The following SUPT3H variants were observed in gnomAD, a reference collection of about 807,000 sequenced individuals.
SUPT3H encodes transcription initiation protein SPT3 homolog.
In SUPT3H, 44 loss-of-function variants were observed where a neutral mutation model predicts 44.3. The ratio of observed to expected loss-of-function variants is 0.99; its 90% CI spans 0.78 to 1.28. The LOEUF (loss-of-function observed/expected upper bound fraction) is 1.28. Ranked by LOEUF, SUPT3H falls within the 50% of genes most tolerant of loss-of-function variation. The pLI, the probability that SUPT3H is intolerant of heterozygous loss-of-function variation, is 0.00. For missense variants in SUPT3H, 380 were observed against 387.1 expected (o/e 0.98, Z 0.15); for synonymous variants, 124 against 125.6 (o/e 0.99, Z 0.09).
At chr6:45,281,636 G>A (rs181854938) in intron 2 of SUPT3H, among the ~76,000 whole-genome samples, 230 of 152,314 alleles carry the variant, frequency 1.5e-3, no homozygotes, top group African/African-American at 5.4e-3. Context: ...AAGGAGGCCT[G>A]CCTGCCTCTG....
chr6:45,376,957 C>A (rs1733553392), intron 1 of SUPT3H, among the ~76,000 whole-genome samples: 1 of 151,694 alleles, frequency 6.6e-6, no homozygotes, highest in African/African-American at 2.4e-5. Flanking sequence ...TTCTATTAGC[C>A]TCTTGGAGAA....
intron 7 of SUPT3H, among the ~76,000 whole-genome samples, chr6:44,958,115 T>C (rs752039977): frequency 1.6e-4 from 25 of 152,302 alleles, no homozygotes; most frequent in Middle Eastern, 3.4e-3. Context: ...GGAAATTGAC[T>C]AACAAACAGA....
At chr6:44,880,991 C>CCTG (rs1778133593) in intron 10 of SUPT3H, among the ~76,000 whole-genome samples, 1 of 152,028 alleles carries the variant, frequency 6.6e-6, no homozygotes, top group African/African-American at 2.4e-5. Flanking sequence ...TAAAGACCAT[C>CCTG]ATCAACTAAT....
intron 3 of SUPT3H, among the ~76,000 whole-genome samples, chr6:45,039,234 C>T (rs1220483048): frequency 2.0e-5 from 3 of 152,060 alleles, no homozygotes; most frequent in Non-Finnish European, 2.9e-5. Flanking sequence ...GCATTTAAGT[C>T]ACAACACTCC....
At chr6:45,296,185 T>TAC (rs201077641) in intron 2 of SUPT3H, among the ~76,000 whole-genome samples, 18,035 of 140,412 alleles carry the variant, frequency 0.13, 1,171 homozygotes, top group African/African-American at 0.19. Context: ...ATACACATAC[T>TAC]ACACACACAC....
intron 2 of SUPT3H, among the ~76,000 whole-genome samples, chr6:45,113,350 A>C (rs1053540118): frequency 6.6e-6 from 1 of 152,200 alleles, no homozygotes; most frequent in Non-Finnish European, 1.5e-5. Context: ...GTGGGGAATA[A>C]AAGTGCAGAA....
In SUPT3H at chr6:45,357,895, A is replaced by G. The variant is rs373188464; in HGVS notation, c.101+7306T>C. Among the ~76,000 whole-genome samples the G allele has an allele frequency of 9.9e-5, 15 of 151,702 alleles. No homozygotes were observed. The East Asian group carries it at 1.7e-3, about 18-fold the overall frequency. On this transcript the variant is annotated intron_variant, in intron 2 of 10. Transcript: ENST00000371459. ...AGGATTTTTCAGAAAGACTAAGAGT[A>G]TATATATATATAAATACATTCACAA...
intron 1 of SUPT3H, among the ~76,000 whole-genome samples, chr6:45,371,122 T>C (rs1795994197): frequency 6.6e-6 from 1 of 152,166 alleles, no homozygotes; most frequent in South Asian, 2.1e-4. Flanking sequence ...ATTATACTCC[T>C]AACAGTAAGA....
At chr6:45,278,563 C>T (rs938068144) in intron 2 of SUPT3H, among the ~76,000 whole-genome samples, 1 of 152,172 alleles carries the variant, frequency 6.6e-6, no homozygotes, top group Admixed American at 6.5e-5. Flanking sequence ...AAAATGACCT[C>T]ATTATGACAA....
intron 2 of SUPT3H, among the ~76,000 whole-genome samples, chr6:45,147,027 C>T (rs1300498449): frequency 6.6e-6 from 1 of 152,098 alleles, no homozygotes; most frequent in African/African-American, 2.4e-5. Context: ...AGACACTTTA[C>T]CAGTAACAGT....
At chr6:45,335,934 A>C (rs1345255536) in intron 2 of SUPT3H, among the ~76,000 whole-genome samples, 1 of 151,358 alleles carries the variant, frequency 6.6e-6, no homozygotes, top group East Asian at 1.9e-4. Flanking sequence ...AAAATGAAAT[A>C]TTTAAGAAGA....
chr6:45,239,624 A>G (rs953353944), intron 2 of SUPT3H, among the ~76,000 whole-genome samples: 1 of 152,236 alleles, frequency 6.6e-6, no homozygotes, highest in African/African-American at 2.4e-5. Flanking sequence ...TTTGGGCTAC[A>G]TGCCAATCAG....
intron 6 of SUPT3H, among the ~76,000 whole-genome samples, chr6:44,976,853 T>C (rs146677027): frequency 2.4e-4 from 36 of 152,344 alleles, no homozygotes; most frequent in African/African-American, 8.7e-4. Flanking sequence ...CTGAACACAA[T>C]GGCTGTCCCT....
At chr6:45,347,766 TA>T (rs575469951) in intron 2 of SUPT3H, among the ~76,000 whole-genome samples, 54 of 148,698 alleles carry the variant, frequency 3.6e-4, no homozygotes, top group African/African-American at 4.5e-4. Flanking sequence ...TTCTTTTTTT[TA>T]AAAAAAAAAG....
intron 2 of SUPT3H, among the ~76,000 whole-genome samples, chr6:45,172,295 T>G (rs1241734022): frequency 6.7e-6 from 1 of 149,770 alleles, no homozygotes; most frequent in Non-Finnish European, 1.5e-5. Flanking sequence ...ATGGTCTCGA[T>G]CTCTGGACCT....
At chr6:45,202,583 A>C (rs187888284) in intron 2 of SUPT3H, among the ~76,000 whole-genome samples, 281 of 152,184 alleles carry the variant, frequency 1.8e-3, no homozygotes, top group African/African-American at 6.6e-3. Context: ...AAGTTTGCCT[A>C]AATAATTGTA....
At chr6:45,016,035 T>C (rs1784212809) in intron 4 of SUPT3H, among the ~76,000 whole-genome samples, 2 of 152,152 alleles carry the variant, frequency 1.3e-5, no homozygotes, top group Admixed American at 1.3e-4. Context: ...TGATGGAGTA[T>C]TATAAATACA....
chr6:45,131,287 C>T (rs1318938960), intron 2 of SUPT3H, among the ~76,000 whole-genome samples: 2 of 152,084 alleles, frequency 1.3e-5, no homozygotes, highest in African/African-American at 4.8e-5. Context: ...AGATTTTTTC[C>T]TCAGTGTTCT....
chr6:45,207,650 T>A (rs1317382064), intron 2 of SUPT3H, among the ~76,000 whole-genome samples: 4 of 152,182 alleles, frequency 2.6e-5, no homozygotes, highest in Non-Finnish European at 4.4e-5. Flanking sequence ...CTCACAACAT[T>A]TTAAACTCTT....
Sources: gnomAD v4.1 joint callset for allele counts (sites outside exome capture counted in the v4.1 genomes callset) on GRCh38, gnomAD v4.1.1 for gene constraint, MANE v1.5 for transcripts, NCBI Gene and HGNC (gene_info 2026-07-23, HGNC 2026-07-21) for gene names.